Variants in ZNF782 observed in about 807,000 individuals in gnomAD.
The protein encoded by ZNF782 is zinc finger protein 782.
Under a neutral mutation model 13.0 loss-of-function variants are expected in ZNF782, and 12 were observed. That is an observed-to-expected ratio of 0.92 (90% CI 0.59 to 1.50). The LOEUF (loss-of-function observed/expected upper bound fraction) is 1.50, where lower values mean the gene tolerates loss of function less well. Ranked by LOEUF, ZNF782 falls within the 40% of genes most tolerant of loss-of-function variation. The pLI is 0.00. For missense variants in ZNF782, 770 were observed against 822.9 expected (o/e 0.94, Z 0.79); for synonymous variants, 284 against 283.0 (o/e 1.00, Z -0.04).
the ZNF782 span, among the ~76,000 whole-genome samples, chr9:96,919,713 A>T: frequency 6.7e-6 from 1 of 150,014 alleles, no homozygotes; most frequent in Non-Finnish European, 1.5e-5. Flanking sequence ...AAAGGCGTGT[A>T]CCACTACGCC....
rs1379484116 is a variant in ZNF782 at position 96,850,191 on chromosome 9, G to GA, written c.15+1755dup. On this transcript the variant is annotated intron_variant, in intron 3 of 5. Transcript: ENST00000481138. The surrounding 1 kb of genome is among the most constrained non-coding windows in gnomAD (Gnocchi z 4.3). ...CAAAGGAAAAGAAGTCATCATAAAT[G>GA]AAAAAGAAACCAGCACACGTTTGTA... is the stretch of plus-strand genomic sequence containing the variant. Among the ~76,000 whole-genome samples the GA allele has an allele frequency of 5.3e-5, 8 of 152,246 alleles. No homozygotes were observed. The East Asian group carries it at 1.5e-3, about 29-fold the overall frequency.
the ZNF782 span, among the ~76,000 whole-genome samples, chr9:96,909,350 A>C: frequency 6.6e-6 from 1 of 150,996 alleles, no homozygotes; most frequent in Non-Finnish European, 1.5e-5. Context: ...AAGATTTTAA[A>C]CCATTCTCTT....
chr9:96,867,057 T>A (rs1336253866), intron 1 of ZNF782, among the ~76,000 whole-genome samples: 7 of 152,146 alleles, frequency 4.6e-5, no homozygotes, highest in Non-Finnish European at 8.8e-5. Context: ...GACTTGTGAG[T>A]TAATGCTGAA....
chr9:96,845,248 A>C (rs1278650757), intron 3 of ZNF782, among the ~76,000 whole-genome samples: 1 of 152,188 alleles, frequency 6.6e-6, no homozygotes, highest in African/African-American at 2.4e-5. Context: ...ATTGTTACTT[A>C]ATATACTGAG....
the ZNF782 span, among the ~76,000 whole-genome samples, chr9:96,912,164 C>T: frequency 7.3e-6 from 1 of 136,298 alleles, no homozygotes; most frequent in Admixed American, 7.8e-5. Context: ...TCCGCCATCG[C>T]ACTGCAGCTT....
the ZNF782 span, among the ~76,000 whole-genome samples, chr9:96,907,586 A>G: frequency 6.6e-6 from 1 of 152,254 alleles, no homozygotes; most frequent in East Asian, 1.9e-4. Context: ...CTATATGTCT[A>G]AGTCTTCTCC....
chr9:96,881,988 A>AGTATGAGTGT, the ZNF782 span, among the ~76,000 whole-genome samples: 10 of 148,396 alleles, frequency 6.7e-5, no homozygotes, highest in African/African-American at 2.5e-4. Flanking sequence ...TGGAAGTATG[A>AGTATGAGTGT]GTGTGTGTGT....
At chr9:96,919,676 G>A in the ZNF782 span, among the ~76,000 whole-genome samples, 1 of 147,604 alleles carries the variant, frequency 6.8e-6, no homozygotes, top group Non-Finnish European at 1.5e-5. Flanking sequence ...CGATTCTCCT[G>A]CCTCAGCCTC....
At chr9:96,882,683 C>T in the ZNF782 span, among the ~76,000 whole-genome samples, 2 of 152,188 alleles carry the variant, frequency 1.3e-5, no homozygotes, top group African/African-American at 4.8e-5. Context: ...CTCTTGGTCT[C>T]AGTCATGTAG....
At chr9:96,836,270 T>C (rs1850997118) in intron 4 of ZNF782, among the ~76,000 whole-genome samples, 1 of 150,226 alleles carries the variant, frequency 6.7e-6, no homozygotes, top group Non-Finnish European at 1.5e-5. Context: ...TGGAGTGCAA[T>C]GGTCTGATCT....
chr9:96,843,350 A>G (rs73538644), intron 4 of ZNF782, among the ~76,000 whole-genome samples: 4,446 of 152,282 alleles, frequency 0.029, 235 homozygotes, highest in African/African-American at 0.1. Flanking sequence ...CGTAGCTATA[A>G]AAGGAATGAA....
At chr9:96,885,013 A>C in the ZNF782 span, among the ~76,000 whole-genome samples, 1 of 152,214 alleles carries the variant, frequency 6.6e-6, no homozygotes, top group Non-Finnish European at 1.5e-5. Context: ...TGCCTCAACA[A>C]GCAATTGCAA....
At chr9:96,830,546 C>T (rs1037270605) in intron 4 of ZNF782, among the ~76,000 whole-genome samples, 2 of 152,200 alleles carry the variant, frequency 1.3e-5, no homozygotes, top group African/African-American at 4.8e-5. Context: ...AGTAGGAAAC[C>T]TGGACTTTCA....
upstream of ZNF782, among the ~76,000 whole-genome samples, chr9:96,855,896 C>G (rs1420867886): frequency 6.6e-6 from 1 of 152,216 alleles, no homozygotes; most frequent in Non-Finnish European, 1.5e-5. Flanking sequence ...TTTCCCTGTT[C>G]ACTGCAGCCA....
upstream of ZNF782, among the ~76,000 whole-genome samples, chr9:96,877,028 C>G (rs117107299): frequency 4.9e-4 from 73 of 148,476 alleles, 1 homozygote; most frequent in East Asian, 0.013. Context: ...AATCATGGAT[C>G]TCCCAGAGAT....
chr9:96,894,206 G>A, the ZNF782 span: 5 of 152,040 alleles, frequency 3.3e-5, no homozygotes, highest in Non-Finnish European at 7.3e-5. Flanking sequence ...GATGGGAAGA[G>A]GGGGGAAGGA....
At chr9:96,849,681 TA>T (rs1851436314) in intron 3 of ZNF782, among the ~76,000 whole-genome samples, 1 of 151,882 alleles carries the variant, frequency 6.6e-6, no homozygotes, top group South Asian at 2.1e-4. Flanking sequence ...CTAACTAAAT[TA>T]AAAAGCTTCT....
At chr9:96,878,673 GTTTA>G (rs1168445312), upstream of ZNF782, among the ~76,000 whole-genome samples, 1 of 152,140 alleles carries the variant, frequency 6.6e-6, no homozygotes, top group Non-Finnish European at 1.5e-5. Context: ...GGAATATCAT[GTTTA>G]TTTAATCAAT....
chr9:96,927,152 A>C, the ZNF782 span, among the ~76,000 whole-genome samples: 1 of 152,196 alleles, frequency 6.6e-6, no homozygotes, highest in Non-Finnish European at 1.5e-5. Context: ...GCTGAGAACC[A>C]CATGTGATGA....
Sources: allele counts gnomAD v4.1 joint callset (sites outside exome capture counted in the v4.1 genomes callset), GRCh38; gene constraint gnomAD v4.1.1; non-coding constraint Gnocchi (gnomAD v3.1); transcripts MANE v1.5; gene names NCBI Gene and HGNC (gene_info 2026-07-23, HGNC 2026-07-21).